The following BTG4 variants were observed in gnomAD, a reference collection of about 807,000 sequenced individuals.
The protein encoded by BTG4 is protein BTG4.
In BTG4, 10 loss-of-function variants were observed where a neutral mutation model predicts 19.3. The observed-to-expected ratio is 0.52, with a 90% CI of 0.32 to 0.88. BTG4 has a LOEUF of 0.88. Ranked by LOEUF, BTG4 falls within the 40% of genes least tolerant of loss-of-function variation. The pLI is 0.04. For synonymous variants in BTG4, 91 were observed against 95.7 expected (o/e 0.95, Z 0.29); for missense variants, 238 against 281.9 (o/e 0.84, Z 1.11).
chr11:111,411,603 A>G, the BTG4 span, among the ~76,000 whole-genome samples: 2 of 152,354 alleles, frequency 1.3e-5, no homozygotes, highest in Non-Finnish European at 2.9e-5. Flanking sequence ...TGTAATGTGC[A>G]CACAAATCAA....
intron 5 of BTG4, among the ~76,000 whole-genome samples, chr11:111,476,815 C>T (rs1002534452): frequency 2.6e-5 from 4 of 152,146 alleles, no homozygotes; most frequent in Admixed American, 6.6e-5. Context: ...CAATGCATAA[C>T]TTTATAAGAT....
chr11:111,398,680 G>A, the BTG4 span, among the ~76,000 whole-genome samples: 2 of 152,076 alleles, frequency 1.3e-5, no homozygotes, highest in African/African-American at 2.4e-5. Flanking sequence ...TCCAGGTGAT[G>A]GTGCTGCTGC....
the BTG4 span, among the ~76,000 whole-genome samples, chr11:111,412,728 G>C: frequency 6.6e-6 from 1 of 152,256 alleles, no homozygotes; most frequent in Admixed American, 6.5e-5. Flanking sequence ...ACTTGACCAA[G>C]ATCACTCAGC....
intron 1 of BTG4, among the ~76,000 whole-genome samples, chr11:111,505,337 A>T (rs569854937): frequency 1.5e-4 from 23 of 152,144 alleles, no homozygotes; most frequent in African/African-American, 4.8e-4. Flanking sequence ...CAACCAATTG[A>T]TCTTCGATTA....
chr11:111,444,395 C>T, the BTG4 span, among the ~76,000 whole-genome samples: 1 of 151,208 alleles, frequency 6.6e-6, no homozygotes, highest in Non-Finnish European at 1.5e-5. Context: ...ATCTAAAGAT[C>T]AAAACAATTG....
the BTG4 span, among the ~76,000 whole-genome samples, chr11:111,392,173 T>TTC: frequency 2.7e-5 from 3 of 111,382 alleles, no homozygotes; most frequent in Admixed American, 9.5e-5. Context: ...GATTTTCTTT[T>TTC]TTTTTTTTTT....
intron 4 of BTG4, chr11:111,496,905 C>A: frequency 2.9e-6 from 1 of 348,076 alleles, no homozygotes. Flanking sequence ...AAAAAAATCC[C>A]ACTAATCTTA....
downstream of BTG4, chr11:111,467,388 A>G (rs1242794744): frequency 2.9e-6 from 1 of 348,360 alleles, no homozygotes; most frequent in Non-Finnish European, 5.1e-6. Context: ...TTAAATATGC[A>G]GTTACTCTTT....
At chr11:111,423,739 C>T in the BTG4 span, among the ~76,000 whole-genome samples, 1 of 152,138 alleles carries the variant, frequency 6.6e-6, no homozygotes, top group Non-Finnish European at 1.5e-5. Flanking sequence ...ATAGATATCA[C>T]CATCAGATGA....
At chr11:111,493,184 G>T (rs1264289923), downstream of BTG4, among the ~76,000 whole-genome samples, 1 of 152,062 alleles carries the variant, frequency 6.6e-6, no homozygotes, top group Non-Finnish European at 1.5e-5. Flanking sequence ...GTCCAAAAGA[G>T]TCGAGGTTAG....
the BTG4 span, among the ~76,000 whole-genome samples, chr11:111,405,672 C>T: frequency 6.6e-6 from 1 of 152,092 alleles, no homozygotes; most frequent in African/African-American, 2.4e-5. Flanking sequence ...TGAAATTATG[C>T]TTATAAAATG....
At chr11:111,469,521 G>A (rs1863929290) in intron 5 of BTG4, among the ~76,000 whole-genome samples, 1 of 152,120 alleles carries the variant, frequency 6.6e-6, no homozygotes, top group Non-Finnish European at 1.5e-5. Context: ...ATTTCCCGTG[G>A]CAGCATATGA....
chr11:111,454,851 T>G, the BTG4 span: 1 of 390,362 alleles, frequency 2.6e-6, no homozygotes, highest in African/African-American at 2.1e-5. Flanking sequence ...GGGGGTGGGG[T>G]TCTGGAGTCT....
chr11:111,389,921 A>G, the BTG4 span, among the ~76,000 whole-genome samples: 1 of 152,154 alleles, frequency 6.6e-6, no homozygotes, highest in Non-Finnish European at 1.5e-5. Context: ...CACAAAGCCA[A>G]CGAAAGCTAA....
At chr11:111,417,577 C>T in the BTG4 span, 1 of 152,182 alleles carries the variant, frequency 6.6e-6, no homozygotes, top group Non-Finnish European at 1.5e-5. Context: ...ATGAACTGCC[C>T]CTAATTCCTT....
chr11:111,500,031 A>G (rs1348823156), intron 1 of BTG4, among the ~76,000 whole-genome samples: 1 of 152,040 alleles, frequency 6.6e-6, no homozygotes, highest in Non-Finnish European at 1.5e-5. Flanking sequence ...AGTCCCAGCT[A>G]CTCAGGAGGC....
At chr11:111,453,752 C>T in the BTG4 span, among the ~76,000 whole-genome samples, 5 of 152,294 alleles carry the variant, frequency 3.3e-5, no homozygotes, top group East Asian at 9.6e-4. Context: ...ATAACACTGC[C>T]GGGCACTAGG....
chr11:111,491,505 T>C (rs117346620), downstream of BTG4, among the ~76,000 whole-genome samples: 4,068 of 152,182 alleles, frequency 0.027, 93 homozygotes, highest in Middle Eastern at 0.088. Context: ...CCCTGCACTT[T>C]GGGAAGCCGA....
At chr11:111,400,020 T>TG in the BTG4 span, among the ~76,000 whole-genome samples, 3 of 151,452 alleles carry the variant, frequency 2.0e-5, no homozygotes, top group Non-Finnish European at 2.9e-5. Flanking sequence ...TGGGTGAGGG[T>TG]GGGGTGAGGG....
Sources: allele counts gnomAD v4.1 joint callset (sites outside exome capture counted in the v4.1 genomes callset), GRCh38; gene constraint gnomAD v4.1.1; transcripts MANE v1.5; gene names NCBI Gene and HGNC (gene_info 2026-07-23, HGNC 2026-07-21).